The following GPR160 variants were observed in gnomAD, a reference collection of about 807,000 sequenced individuals.
GPR160 encodes probable G protein-coupled receptor 160.
GPR160 carries 2 observed loss-of-function variants against 2.6 expected under a neutral mutation model. That is an observed-to-expected ratio of 0.77 (90% CI 0.32 to 2.44). The LOEUF (loss-of-function observed/expected upper bound fraction) is 2.44, where lower values mean the gene tolerates loss of function less well. Among genes scored for constraint, GPR160 ranks in the 30% most tolerant of loss-of-function variants. The probability of loss-of-function intolerance (pLI) is 0.11; values close to 1 mark genes in which losing one functional copy is unlikely to be tolerated. For synonymous variants in GPR160, 130 were observed against 132.2 expected, an observed-to-expected ratio of 0.98 and a Z score of 0.12; for missense variants, 351 against 383.6, an observed-to-expected ratio of 0.91 and a Z score of 0.71.
intron 2 of GPR160, among the ~76,000 whole-genome samples, chr3:170,068,238 A>G (rs547134202): frequency 4.6e-5 from 7 of 152,042 alleles, no homozygotes; most frequent in Non-Finnish European, 8.8e-5. Flanking sequence ...TCTGCCTCCC[A>G]GGTTCAAGCT....
intron 2 of GPR160, among the ~76,000 whole-genome samples, chr3:170,042,644 A>G (rs1259612726): frequency 6.7e-6 from 1 of 149,014 alleles, no homozygotes; most frequent in Non-Finnish European, 1.5e-5. Context: ...CCTGGGCAAC[A>G]TAGTGAGGCC....
rs1476752952 is a variant in GPR160 at position 170,083,932 on chromosome 3, A to G, written c.-41A>G. On this transcript the variant is annotated 5_prime_UTR_variant, in exon 4 of 4. An upstream start codon of the reference 5' UTR is lost. Coordinates refer to ENST00000355897, the MANE Select transcript of GPR160 (RefSeq NM_014373.3). ...ACAGAAAATGAAGCAGTGTTTTATCATGTGTATTTCAGCAGGTCTTCTTGA... is the reference window on the plus strand; with the variant it reads ...ACAGAAAATGAAGCAGTGTTTTATCGTGTGTATTTCAGCAGGTCTTCTTGA... 2.6e-6 allele frequency: 3 copies of G among 1,133,180 alleles called. No homozygotes were observed. Among genetic ancestry groups the G allele is most frequent in the Non-Finnish European group, 3.6e-6 (3 of 825,500 alleles). 70.2% of individuals were successfully genotyped at this position (1,133,180 alleles called of 1,614,324 possible).
chr3:170,051,947 A>T (rs1716974385), intron 2 of GPR160, among the ~76,000 whole-genome samples: 1 of 152,098 alleles, frequency 6.6e-6, no homozygotes, highest in East Asian at 1.9e-4. Flanking sequence ...TGTTTTTGAG[A>T]TGGAGTCTCA....
Position 170,056,758 on chromosome 3 carries a change from TGTAA to T in GPR160, c.-193+17721_-193+17724del, listed in dbSNP as rs1181457920. 2.6e-5 allele frequency among the ~76,000 whole-genome samples: 4 copies of T among 152,348 alleles called. No homozygotes were observed. In the East Asian group the frequency reaches 5.8e-4, roughly 22 times the overall value. The stretch of plus-strand genomic sequence containing the variant: ...GAATCACGTGAAGGCTAATTAATTT[TGTAA>T]GTAAGAGGTTCAAATTGGAGAATGA... On this transcript the variant is annotated intron_variant, in intron 2 of 3. Transcript: ENST00000355897.
chr3:170,043,277 G>A (rs1716541521), intron 2 of GPR160, among the ~76,000 whole-genome samples: 1 of 151,870 alleles, frequency 6.6e-6, no homozygotes, highest in Non-Finnish European at 1.5e-5. Context: ...TGCCTCCTGG[G>A]TTCAAGCAGT....
chr3:170,052,748 A>AT lies in GPR160; in HGVS notation c.-193+13713dup, dbSNP rs536742717. Among the ~76,000 whole-genome samples the AT allele has an allele frequency of 8.6e-5, 13 of 151,896 alleles. No homozygotes were observed. In the South Asian group the frequency reaches 2.7e-3, roughly 32 times the overall value. ...TAATTTTAATGAGTTCACTTTATCA[A>AT]TTTTTTTTCTATTTGGTGCTTTTTG... On this transcript the variant is annotated intron_variant, in intron 2 of 3. Coordinates refer to ENST00000355897, the MANE Select transcript of GPR160 (RefSeq NM_014373.3).
intron 2 of GPR160, among the ~76,000 whole-genome samples, chr3:170,052,709 T>G (rs547478648): frequency 4.6e-5 from 7 of 152,242 alleles, no homozygotes; most frequent in Non-Finnish European, 8.8e-5. Context: ...TTTCTTATGA[T>G]GAACAGAAGA....
intron 2 of GPR160, among the ~76,000 whole-genome samples, chr3:170,076,866 A>G (rs1712877898): frequency 6.6e-6 from 1 of 152,152 alleles, no homozygotes; most frequent in Admixed American, 6.6e-5. Context: ...TCTTTCACAT[A>G]CATACATTGG....
intron 2 of GPR160, 59 bp downstream of exon 2, chr3:170,039,102 G>T (rs1559978864): frequency 6.6e-6 from 1 of 152,070 alleles, no homozygotes; most frequent in Non-Finnish European, 1.5e-5. Flanking sequence ...CATCACAAAA[G>T]ACATGAACGA....
At chr3:170,044,052 C>T (rs1168434493) in intron 2 of GPR160, among the ~76,000 whole-genome samples, 1 of 151,226 alleles carries the variant, frequency 6.6e-6, no homozygotes, top group African/African-American at 2.4e-5. Context: ...TTGAGAGGCT[C>T]TTGTTGCAAG....
chr3:170,065,259 C>CT (rs1484436335), intron 2 of GPR160, among the ~76,000 whole-genome samples: 4 of 152,044 alleles, frequency 2.6e-5, no homozygotes, highest in South Asian at 2.1e-4. Context: ...TATCTGTCTG[C>CT]TTTTTTTTCT....
chr3:170,048,363 T>A (rs970830574), intron 2 of GPR160, among the ~76,000 whole-genome samples: 5 of 152,196 alleles, frequency 3.3e-5, no homozygotes, highest in African/African-American at 1.2e-4. Context: ...ACTTTACCAC[T>A]GTACAGTTCA....
chr3:170,050,324 A>G (rs1182047636), intron 2 of GPR160, among the ~76,000 whole-genome samples: 1 of 145,162 alleles, frequency 6.9e-6, no homozygotes, highest in East Asian at 2.0e-4. Flanking sequence ...GCTCACTGCA[A>G]CCTCCACCTC....
At chr3:170,066,130 CT>C (rs768660597) in intron 2 of GPR160, among the ~76,000 whole-genome samples, 172 of 85,160 alleles carry the variant, frequency 2.0e-3, no homozygotes, top group African/African-American at 4.0e-3. Flanking sequence ...TTTTCTTTTT[CT>C]TTTTTTTTTT....
At position 170,084,917 on chromosome 3, in the gene GPR160, G is replaced by A. The variant is rs756561779; in HGVS notation, c.945G>A (p.Lys315=). The part of the protein sequence containing the change: ...GLPLDPFVNW[K]CCFIPLTIPN... ...CTTTGGATCCATTTGTCAACTGGAAGTGCTGCTTCATTCCACTTACAATTC... is the reference window on the plus strand; with the variant it reads ...CTTTGGATCCATTTGTCAACTGGAAATGCTGCTTCATTCCACTTACAATTC... The change falls in exon 4 of 4, where the codon AAG becomes AAA. Residue 315 remains lysine (K), a synonymous_variant. Transcript: ENST00000355897. 1.2e-6 allele frequency: 2 copies of A among 1,604,482 alleles called. No individual in the cohort carries two copies. The highest frequency in any genetic ancestry group is 2.7e-5 in the African/African-American group (2 of 74,660).
chr3:170,064,026 A>T (rs1712147782), intron 2 of GPR160, among the ~76,000 whole-genome samples: 1 of 152,174 alleles, frequency 6.6e-6, no homozygotes, highest in African/African-American at 2.4e-5. Flanking sequence ...ATTTATTAAA[A>T]AATAATAATA....
rs1422894069 is a variant in GPR160 at position 170,083,000 on chromosome 3, TG to T, written c.-68-904del. Among the ~76,000 whole-genome samples, 30 of 151,946 alleles carry T rather than the reference TG, an allele frequency of 2.0e-4. No homozygotes were observed. The South Asian group carries it at 5.4e-3, about 27-fold the overall frequency. The stretch of plus-strand genomic sequence containing the variant: ...TTTTTTTTTTTTTGGTTTTTGTTTT[TG>T]TTTTTTTGCTATTTATAAATACTGC... On this transcript the variant is annotated intron_variant, in intron 3 of 3. Coordinates refer to ENST00000355897, the MANE Select transcript of GPR160 (RefSeq NM_014373.3).
intron 2 of GPR160, among the ~76,000 whole-genome samples, chr3:170,071,726 G>A (rs936297576): frequency 6.6e-6 from 1 of 152,162 alleles, no homozygotes; most frequent in Non-Finnish European, 1.5e-5. Flanking sequence ...AACTCAGAAG[G>A]CAGAGATGGC....
At chr3:170,044,415 T>C (rs1027695078) in intron 2 of GPR160, among the ~76,000 whole-genome samples, 3 of 152,024 alleles carry the variant, frequency 2.0e-5, no homozygotes, top group African/African-American at 7.3e-5. Context: ...TGCTTCTCTG[T>C]CAGACGAATA....
Sources: allele counts gnomAD v4.1 joint callset (sites outside exome capture counted in the v4.1 genomes callset), GRCh38; gene constraint gnomAD v4.1.1; transcripts MANE v1.5; gene names NCBI Gene and HGNC (gene_info 2026-07-23, HGNC 2026-07-21).